The following CREBL2 variants were observed in gnomAD, a reference collection of about 807,000 sequenced individuals.
CREBL2 encodes cAMP responsive element binding protein like 2, also known as cAMP-responsive element-binding protein-like 2.
A neutral mutation model predicts 19.5 loss-of-function variants in CREBL2; 4 were observed. The ratio of observed to expected loss-of-function variants is 0.20; its 90% CI spans 0.10 to 0.47. The LOEUF is 0.47. Ranked by LOEUF, CREBL2 falls within the 20% of genes least tolerant of loss-of-function variation. CREBL2 has a pLI of 0.98. For synonymous variants in CREBL2, 42 were observed against 46.6 expected, an observed-to-expected ratio of 0.90 and a Z score of 0.40; for missense variants, 85 against 145.1, an observed-to-expected ratio of 0.59 and a Z score of 2.13.
intron 2 of CREBL2, among the ~76,000 whole-genome samples, 153 bp from the exon 3 acceptor site, chr12:12,637,416 TG>T (rs1449948495): frequency 2.6e-5 from 4 of 152,100 alleles, no homozygotes; most frequent in Non-Finnish European, 5.9e-5. Flanking sequence ...GGTAATACCA[TG>T]GAGGGTGGGA....
rs1218211235 is a variant in CREBL2, at chr12:12,614,587, C to G, written c.15+2400C>G. ...GGCTCAAAGCAATCCTCCACCTCAGCCTCCCAAGTGGCTGGGACTACAGGA... is the reference window on the plus strand; with the variant it reads ...GGCTCAAAGCAATCCTCCACCTCAGGCTCCCAAGTGGCTGGGACTACAGGA... On this transcript the variant is annotated intron_variant, in intron 1 of 3. Coordinates refer to ENST00000228865, the MANE Select transcript of CREBL2 (RefSeq NM_001310.4). 1.3e-5 allele frequency: 3 copies of G among 224,742 alleles called. No individual in the cohort carries two copies. The Admixed American group carries it at 1.6e-4, about 12-fold the overall frequency. 13.9% of individuals were successfully genotyped at this position (224,742 alleles called of 1,614,324 possible).
intron 1 of CREBL2, among the ~76,000 whole-genome samples, chr12:12,629,484 C>G (rs1465324742): frequency 6.6e-6 from 1 of 152,082 alleles, no homozygotes; most frequent in Non-Finnish European, 1.5e-5. Flanking sequence ...GACCCTTGCT[C>G]TACTCATTTA....
Position 12,633,287 on chromosome 12 carries a change from G to A in CREBL2, c.16-2490G>A, listed in dbSNP as rs182617618. ...AAAACATGACGATTGGGCCAGGCCC[G>A]GTGGATCACCTCAGGTGGGCACCTG... On this transcript the variant is annotated intron_variant, in intron 1 of 3. Transcript: ENST00000228865. Among the ~76,000 whole-genome samples the A allele has an allele frequency of 3.9e-5, 6 of 151,990 alleles. No individual in the cohort carries two copies. The East Asian group carries it at 9.8e-4, about 25-fold the overall frequency.
intron 1 of CREBL2, among the ~76,000 whole-genome samples, chr12:12,619,025 C>A (rs1275258813): frequency 6.6e-6 from 1 of 151,322 alleles, no homozygotes; most frequent in South Asian, 2.1e-4. Flanking sequence ...AGAGGGAGAC[C>A]GTGGAAAGTG....
chr12:12,641,942 A>C (rs1268425580), intron 3 of CREBL2, 52 bp from the exon 4 acceptor site: 5 of 1,365,456 alleles, frequency 3.7e-6, no homozygotes, highest in Non-Finnish European at 5.1e-6. Context: ...CAGATTAATC[A>C]AACTTTATTG....
chr12:12,641,256 T>TTA (rs1945517460), intron 3 of CREBL2, among the ~76,000 whole-genome samples: 1 of 88,510 alleles, frequency 1.1e-5, no homozygotes, highest in African/African-American at 4.4e-5. Context: ...TATTATTATT[T>TTA]TTTTTTATTT....
rs1945545526 is a variant in CREBL2 at position 12,643,922 on chromosome 12, C to G, written c.*1924C>G. The G allele has an allele frequency of 6.6e-6, 1 of 152,616 alleles. No homozygotes were observed. The highest frequency in any genetic ancestry group is 2.1e-4 in the South Asian group (1 of 4,832). 9.5% of individuals were successfully genotyped at this position (152,616 alleles called of 1,614,324 possible). ...TGTATATTTTTATTTTGCAAAACAA[C>G]CCAAAACTTACTTTATGTTGCTTTG... On this transcript the variant is annotated 3_prime_UTR_variant, in exon 4 of 4. Transcript: ENST00000228865.
At chr12:12,615,994 G>C (rs1429507644) in intron 1 of CREBL2, 1 of 152,160 alleles carries the variant, frequency 6.6e-6, no homozygotes, top group Non-Finnish European at 1.5e-5. Context: ...TGATCTTTCA[G>C]TGTTAATTTT....
intron 1 of CREBL2, among the ~76,000 whole-genome samples, chr12:12,613,408 TTGTTTGGG>T (rs1359129405): frequency 1.3e-5 from 2 of 152,152 alleles, no homozygotes; most frequent in African/African-American, 4.8e-5. Context: ...GCTTTGTCCT[TTGTTTGGG>T]TGTCTTTTTT....
rs185682579 is a variant in CREBL2 at position 12,621,207 on chromosome 12, G to C, written c.15+9020G>C. On this transcript the variant is annotated intron_variant, in intron 1 of 3. Transcript: ENST00000228865. Reference sequence around the variant, plus strand: ...GAATATAATGAATGGGCATGGCTGTGTTCCAGTAAAACTGTATTTTCAAAA... The same window carrying C: ...GAATATAATGAATGGGCATGGCTGTCTTCCAGTAAAACTGTATTTTCAAAA... Among the ~76,000 whole-genome samples the C allele has an allele frequency of 9.2e-5, 14 of 152,322 alleles. No homozygotes were observed. In the East Asian group the frequency reaches 2.7e-3, roughly 29 times the overall value.
chr12:12,622,302 A>G (rs1478700421), intron 1 of CREBL2, among the ~76,000 whole-genome samples: 1 of 152,234 alleles, frequency 6.6e-6, no homozygotes, highest in Non-Finnish European at 1.5e-5. Context: ...TGTAAGTTGC[A>G]GTTGATGCGG....
In CREBL2 at chr12:12,627,070, G is replaced by A. The variant is rs7303414; in HGVS notation, c.16-8707G>A. On this transcript the variant is annotated intron_variant, in intron 1 of 3. Coordinates refer to ENST00000228865, the MANE Select transcript of CREBL2 (RefSeq NM_001310.4). ...GGAGGAAGAGAGGGAGGAATAGATG[G>A]AGCACAGGGGGTTTTTAGGGCAGTG... 3.8e-3 allele frequency among the ~76,000 whole-genome samples: 576 copies of A among 152,136 alleles called. 1 individual carries two copies. Among genetic ancestry groups the A allele is most frequent in the African/African-American group, 0.013 (547 of 41,522 alleles).
chr12:12,638,450 AAG>A (rs1006536998), intron 3 of CREBL2, among the ~76,000 whole-genome samples: 4 of 152,272 alleles, frequency 2.6e-5, no homozygotes, highest in African/African-American at 4.8e-5. Flanking sequence ...AAAAAAGAAA[AAG>A]AGAAATGGCT....
intron 1 of CREBL2, chr12:12,615,780 C>G (rs546401331): frequency 6.6e-6 from 1 of 152,504 alleles, no homozygotes; most frequent in African/African-American, 2.4e-5. Flanking sequence ...GCATGAGCCA[C>G]CGCACCTGGC....
At chr12:12,619,782 TC>T (rs1945346557) in intron 1 of CREBL2, among the ~76,000 whole-genome samples, 1 of 152,236 alleles carries the variant, frequency 6.6e-6, no homozygotes, top group Non-Finnish European at 1.5e-5. Flanking sequence ...GGCGTCAAGA[TC>T]CAGTTGAGGG....
At chr12:12,627,040 G>T (rs900223330) in intron 1 of CREBL2, among the ~76,000 whole-genome samples, 2 of 152,116 alleles carry the variant, frequency 1.3e-5, no homozygotes, top group African/African-American at 4.8e-5. Flanking sequence ...AGGGTTTCAG[G>T]AGAGGGAGGA....
intron 1 of CREBL2, 128 bp from the exon 2 acceptor site, chr12:12,635,649 C>T: frequency 2.7e-6 from 3 of 1,093,576 alleles, no homozygotes; most frequent in Non-Finnish European, 3.8e-6. Context: ...TGGGATTATG[C>T]TTTCTTAGTT....
intron 2 of CREBL2, 82 bp downstream of exon 2, chr12:12,636,056 A>G: frequency 7.8e-7 from 1 of 1,284,552 alleles, no homozygotes; most frequent in Non-Finnish European, 1.1e-6. Context: ...AATACCAGTT[A>G]TCACCTGTCC....
intron 1 of CREBL2, among the ~76,000 whole-genome samples, chr12:12,625,230 A>G (rs895343984): frequency 6.6e-6 from 1 of 151,900 alleles, no homozygotes. Context: ...TTTGTCGGGG[A>G]CCCACCCTTT....
Sources: allele counts gnomAD v4.1 joint callset (sites outside exome capture counted in the v4.1 genomes callset), GRCh38; gene constraint gnomAD v4.1.1; transcripts MANE v1.5; gene names NCBI Gene and HGNC (gene_info 2026-07-23, HGNC 2026-07-21).